The following ZNF280D variants were observed in gnomAD, a reference collection of about 807,000 sequenced individuals.
ZNF280D encodes the protein zinc finger protein 280D.
ZNF280D carries 39 observed loss-of-function variants against 94.7 expected under a neutral mutation model. That is an observed-to-expected ratio of 0.41 (90% CI 0.32 to 0.54). The LOEUF (loss-of-function observed/expected upper bound fraction) is 0.54. ZNF280D is among the 20% of genes least tolerant of loss of function. The pLI is 0.22. For missense variants in ZNF280D, 1,090 were observed against 1,149.3 expected, an observed-to-expected ratio of 0.95 and a Z score of 0.75; for synonymous variants, 398 against 377.6, an observed-to-expected ratio of 1.05 and a Z score of -0.63.
chr15:56,718,544 A>C (rs952948650), intron 1 of ZNF280D, among the ~76,000 whole-genome samples: 1 of 152,356 alleles, frequency 6.6e-6, no homozygotes, highest in Admixed American at 6.5e-5. Context: ...ATGCTTCAAC[A>C]GACTGCTTAA....
At position 56,666,332 on chromosome 15, in the gene ZNF280D, T is replaced by C. The variant is rs572982600; in HGVS notation, c.1994+63A>G. 51 of 1,566,902 alleles carry C rather than the reference T, an allele frequency of 3.3e-5. No homozygotes were observed. The East Asian group carries it at 1.1e-3, about 34-fold the overall frequency. ...GGCTTCTAATAGGATAACTTTGTTT[T>C]TGAAACAGAAACTTGCTGAACTATA... On this transcript the variant is annotated intron_variant, in intron 16 of 21. Transcript: ENST00000267807.
intron 14 of ZNF280D, among the ~76,000 whole-genome samples, chr15:56,667,234 A>G (rs2054355271): frequency 6.6e-6 from 1 of 152,210 alleles, no homozygotes; most frequent in African/African-American, 2.4e-5. Flanking sequence ...GTGAATAATT[A>G]GGAGTTAATA....
intron 13 of ZNF280D, among the ~76,000 whole-genome samples, chr15:56,671,141 G>C (rs1268306492): frequency 1.3e-5 from 2 of 152,038 alleles, no homozygotes; most frequent in Non-Finnish European, 2.9e-5. Context: ...TTACTTTGTT[G>C]ACAGTTTCTT....
intron 4 of ZNF280D, among the ~76,000 whole-genome samples, chr15:56,703,668 G>T (rs1339846601): frequency 6.6e-6 from 1 of 151,930 alleles, no homozygotes; most frequent in Admixed American, 6.6e-5. Flanking sequence ...AGCCTGGGCA[G>T]CATGGTGAGA....
chr15:56,653,362 G>T, intron 19 of ZNF280D: 2 of 1,262,132 alleles, frequency 1.6e-6, no homozygotes, highest in Non-Finnish European at 2.0e-6. Flanking sequence ...TGCTCAATTT[G>T]GTGGGCCTTA....
At chr15:56,719,578 G>C (rs2058234250) in intron 1 of ZNF280D, among the ~76,000 whole-genome samples, 1 of 151,944 alleles carries the variant, frequency 6.6e-6, no homozygotes, top group Non-Finnish European at 1.5e-5. Flanking sequence ...TTATTTATAA[G>C]AACACAGACA....
Position 56,632,138 on chromosome 15 carries a change from A to AC in ZNF280D, c.2316-17_2316-16insG. 6.6e-7 allele frequency: 1 copy of AC among 1,522,346 alleles called. No individual in the cohort carries two copies. The highest frequency in any genetic ancestry group is 8.8e-7 in the Non-Finnish European group (1 of 1,135,694). 94.3% of individuals were successfully genotyped at this position (1,522,346 alleles called of 1,614,324 possible). A position where few individuals can be genotyped will look rare whatever the true frequency, so the allele number is the denominator to read the frequency against. On this transcript the variant is annotated splice_polypyrimidine_tract_variant and intron_variant, in intron 21 of 21. Transcript: ENST00000267807. The stretch of plus-strand genomic sequence containing the variant: ...ATCTTGTTTACTGAAAAATAAAGTC[A>AC]TTTATTATGTATTTCTTCATAAAGC...
chr15:56,658,599 G>A (rs2053705261), intron 16 of ZNF280D, 113 bp from the exon 17 acceptor site: 2 of 682,194 alleles, frequency 2.9e-6, no homozygotes, highest in South Asian at 2.5e-5. Flanking sequence ...AGATTATAAT[G>A]TAAATAATAA....
At chr15:56,680,805 T>A (rs1414129461) in intron 10 of ZNF280D, among the ~76,000 whole-genome samples, 2 of 152,164 alleles carry the variant, frequency 1.3e-5, no homozygotes, top group African/African-American at 4.8e-5. Context: ...TTAAATGGGC[T>A]AATCTTAAAG....
At chr15:56,671,669 G>T (rs1279166779) in intron 13 of ZNF280D, among the ~76,000 whole-genome samples, 1 of 151,920 alleles carries the variant, frequency 6.6e-6, no homozygotes, top group Admixed American at 6.6e-5. Flanking sequence ...GCTATTTTTC[G>T]TTCCATATGA....
Position 56,631,763 on chromosome 15 carries a change from C to A in ZNF280D, c.2675G>T (p.Ser892Ile). The A allele has an allele frequency of 1.2e-6, 2 of 1,614,134 alleles. No individual in the cohort carries two copies. Among genetic ancestry groups the A allele is most frequent in the East Asian group, 2.2e-5 (1 of 44,874 alleles). ...KDLRLASDNV[S>I]IDQFLRKRHE... is the part of the protein sequence containing the mutation. ...TCTTTTTCTCAAAAACTGATCAATG[C>A]TTACATTATCTGATGCTAATCGCAA... The change falls in exon 22 of 22, where the codon AGC (serine) becomes ATC (isoleucine). Residue 892 changes from serine (S) to isoleucine (I), a missense_variant. Physicochemically the swap from Ser to Ile is moderately radical, Grantham distance 142. This residue lies in a region of ZNF280D where 577 missense variants were observed against 568.8 expected (regional missense o/e 1.01). Transcript: ENST00000267807.
intron 14 of ZNF280D, chr15:56,668,271 T>G (rs935723654): frequency 2.5e-6 from 1 of 403,242 alleles, no homozygotes; most frequent in Non-Finnish European, 4.8e-6. Flanking sequence ...AGAAAACAGA[T>G]GTACATAAGG....
At chr15:56,696,090 G>A (rs1031629011) in intron 6 of ZNF280D, among the ~76,000 whole-genome samples, 3 of 152,130 alleles carry the variant, frequency 2.0e-5, no homozygotes, top group Admixed American at 6.6e-5. Context: ...AGCTATTGAT[G>A]TAACTCAAAC....
At chr15:56,720,693 G>T (rs2058309044) in intron 1 of ZNF280D, among the ~76,000 whole-genome samples, 2 of 152,132 alleles carry the variant, frequency 1.3e-5, no homozygotes, top group South Asian at 4.1e-4. Flanking sequence ...CCCATGGGCA[G>T]CAGAATGGAT....
intron 13 of ZNF280D, 61 bp downstream of exon 13, chr15:56,676,609 G>C: frequency 7.0e-7 from 1 of 1,427,604 alleles, no homozygotes; most frequent in South Asian, 1.4e-5. Context: ...GATTCTCCAA[G>C]TCATAATCAG....
At position 56,689,400 on chromosome 15, in the gene ZNF280D, CT is replaced by C; in HGVS notation, c.569del (p.Lys190SerfsTer25). 6.2e-7 allele frequency: 1 copy of C among 1,604,360 alleles called. No homozygotes were observed. The highest frequency in any genetic ancestry group is 8.5e-7 in the Non-Finnish European group (1 of 1,175,198). On this transcript the variant is annotated frameshift_variant, in exon 8 of 22. Coordinates refer to ENST00000267807, the MANE Select transcript of ZNF280D (RefSeq NM_017661.4). LOFTEE classifies it high-confidence loss of function. ...CAGAAACACTTTCGCTGGGTTTAGG[CT>C]TCTTTGGATTAACATTATTTACTTC... ...TSEVNNVNPKKPKPSESVSGA... is the reference protein window; with the variant it reads ...TSEVNNVNPKXPKPSESVSGA...
At chr15:56,645,981 G>T (rs537766174) in intron 19 of ZNF280D, among the ~76,000 whole-genome samples, 1 of 152,234 alleles carries the variant, frequency 6.6e-6, no homozygotes, top group South Asian at 2.1e-4. Context: ...TTTCAGCTAG[G>T]CCACATTCTT....
At chr15:56,663,299 A>G (rs936827190) in intron 16 of ZNF280D, among the ~76,000 whole-genome samples, 1 of 144,704 alleles carries the variant, frequency 6.9e-6, no homozygotes, top group Non-Finnish European at 1.5e-5. Flanking sequence ...AAAAAAAAAA[A>G]GGAAAAAAGA....
chr15:56,678,611 T>C (rs2055404943), intron 11 of ZNF280D, 53 bp downstream of exon 11: 2 of 1,381,426 alleles, frequency 1.4e-6, no homozygotes, highest in South Asian at 1.9e-5. Context: ...TTTCTCACAA[T>C]TTATATTAGC....
Sources: gnomAD v4.1 joint callset for allele counts (sites outside exome capture counted in the v4.1 genomes callset) on GRCh38, gnomAD v4.1.1 for gene constraint, gnomAD v4.1.1 regional missense constraint, MANE v1.5 for transcripts, NCBI Gene and HGNC (gene_info 2026-07-23, HGNC 2026-07-21) for gene names.